PCCB: variants seen among roughly 807,000 people sequenced by gnomAD.
PCCB encodes propionyl-CoA carboxylase subunit beta.
Under a neutral mutation model 60.7 loss-of-function variants are expected in PCCB, and 43 were observed. The ratio of observed to expected loss-of-function variants is 0.71; its 90% CI spans 0.55 to 0.91. PCCB has a LOEUF of 0.91. PCCB is among the 40% of genes least tolerant of loss of function. The pLI is 0.00. For synonymous variants in PCCB, 276 were observed against 255.9 expected, an observed-to-expected ratio of 1.08 and a Z score of -0.75; for missense variants, 766 against 702.8, an observed-to-expected ratio of 1.09 and a Z score of -1.02.
chr3:136,313,725 T>C (rs551478536), intron 9 of PCCB, among the ~76,000 whole-genome samples: 1 of 152,316 alleles, frequency 6.6e-6, no homozygotes, highest in Non-Finnish European at 1.5e-5. Context: ...CTTTTGAACC[T>C]ATATTTTGAC....
Position 136,264,430 on chromosome 3 carries a change from A to ATG in PCCB, c.543+2375_543+2376dup, listed in dbSNP as rs144141514. On this transcript the variant is annotated intron_variant, in intron 5 of 14. Coordinates refer to ENST00000251654, the MANE Select transcript of PCCB (RefSeq NM_000532.5). ...CTTTCTGTCTCTGTCTCTCATATAT[A>ATG]TGTGTGTGTGTATATATGTATATAT... 1.4e-3 allele frequency among the ~76,000 whole-genome samples: 185 copies of ATG among 129,244 alleles called. 6 individuals carry two copies. The highest frequency in any genetic ancestry group is 3.8e-3 in the African/African-American group (116 of 30,434). 84.8% of individuals were successfully genotyped at this position (129,244 alleles called of 152,430 possible).
At chr3:136,277,832 C>G (rs557351294) in intron 5 of PCCB, among the ~76,000 whole-genome samples, 12 of 152,296 alleles carry the variant, frequency 7.9e-5, no homozygotes, top group African/African-American at 2.6e-4. Flanking sequence ...TGCCCCAGGC[C>G]ATAAGCTTTC....
intron 5 of PCCB, among the ~76,000 whole-genome samples, chr3:136,270,209 A>G (rs187218038): frequency 3.9e-5 from 6 of 152,274 alleles, no homozygotes; most frequent in Admixed American, 1.3e-4. Flanking sequence ...TATTTCTGTG[A>G]TAAATCCTAC....
At chr3:136,280,744 T>C (rs1051049815) in intron 5 of PCCB, among the ~76,000 whole-genome samples, 1 of 152,192 alleles carries the variant, frequency 6.6e-6, no homozygotes, top group Non-Finnish European at 1.5e-5. Flanking sequence ...CATTGCAGCA[T>C]TGACCTTATA....
chr3:136,268,096 A>ATATGTATATATATATATATATATATG (rs201311495), intron 5 of PCCB, among the ~76,000 whole-genome samples: 1 of 106,554 alleles, frequency 9.4e-6, no homozygotes, highest in Non-Finnish European at 1.8e-5. Flanking sequence ...AGATATATAT[A>ATATGTATATATATATATATATATATG]TATATATATA....
At chr3:136,303,459 C>G (rs1028837070) in intron 9 of PCCB, among the ~76,000 whole-genome samples, 3 of 121,852 alleles carry the variant, frequency 2.5e-5, no homozygotes, top group African/African-American at 7.5e-5. Context: ...ACTAAACTTC[C>G]TTCATTCCTG....
chr3:136,271,551 T>G (rs930863455), intron 5 of PCCB, among the ~76,000 whole-genome samples: 10 of 152,220 alleles, frequency 6.6e-5, no homozygotes, highest in African/African-American at 2.4e-4. Context: ...TTTTGTAGTT[T>G]CACTTGTAGA....
chr3:136,313,687 C>T (rs1333703366), intron 9 of PCCB, among the ~76,000 whole-genome samples: 1 of 152,064 alleles, frequency 6.6e-6, no homozygotes, highest in African/African-American at 2.4e-5. Context: ...AAATGAAATA[C>T]AAACATGAAC....
chr3:136,317,928 C>T (rs1333875810), intron 10 of PCCB, among the ~76,000 whole-genome samples: 1 of 152,216 alleles, frequency 6.6e-6, no homozygotes, highest in East Asian at 1.9e-4. Context: ...AATACCACTT[C>T]TCTCCTCAAT....
chr3:136,292,746 T>C (rs1192300431), intron 6 of PCCB, among the ~76,000 whole-genome samples: 1 of 152,074 alleles, frequency 6.6e-6, no homozygotes, highest in Non-Finnish European at 1.5e-5. Flanking sequence ...ATAATGTTTG[T>C]GTTAGAAGAT....
intron 2 of PCCB, chr3:136,256,231 C>T: frequency 1.7e-6 from 1 of 571,528 alleles, no homozygotes; most frequent in Non-Finnish European, 3.1e-6. Context: ...GCGTGAGCGA[C>T]CGTACCCTGC....
At chr3:136,253,097 T>TTG (rs1339514965) in intron 1 of PCCB, among the ~76,000 whole-genome samples, 4 of 142,180 alleles carry the variant, frequency 2.8e-5, no homozygotes, top group African/African-American at 5.2e-5. Flanking sequence ...TTTTTTTTTT[T>TTG]TTTTTTTTTT....
chr3:136,254,518 C>CTTTTTTT lies in PCCB; in HGVS notation c.184-1314_184-1308dup, dbSNP rs3994953. Among the ~76,000 whole-genome samples the CTTTTTTT allele has an allele frequency of 5.6e-3, 258 of 45,928 alleles. 33 individuals carry two copies. Among genetic ancestry groups the CTTTTTTT allele is most frequent in the East Asian group, 0.016 (15 of 916 alleles). The allele number at this position is 45,928 out of a possible 152,430, so 30.1% of individuals were successfully genotyped here. On this transcript the variant is annotated intron_variant, in intron 1 of 14. Coordinates refer to ENST00000251654, the MANE Select transcript of PCCB (RefSeq NM_000532.5). The stretch of plus-strand genomic sequence containing the variant: ...TACAGGTGTGAGCCACTGCGGCTAG[C>CTTTTTTT]TTTTTTTTTTTTTTTTTTTTTTTTT...
At chr3:136,311,739 C>A (rs1037580162) in intron 9 of PCCB, among the ~76,000 whole-genome samples, 1 of 152,106 alleles carries the variant, frequency 6.6e-6, no homozygotes, top group Non-Finnish European at 1.5e-5. Flanking sequence ...GAGGGAAGAT[C>A]CTTTGAGCCC....
At chr3:136,265,328 C>A (rs1335242569) in intron 5 of PCCB, among the ~76,000 whole-genome samples, 54 of 152,216 alleles carry the variant, frequency 3.5e-4, no homozygotes, top group Non-Finnish European at 1.2e-4. Context: ...CTGCCACTCA[C>A]TCCAAAAATA....
chr3:136,294,158 T>C (rs1299037695), intron 7 of PCCB, among the ~76,000 whole-genome samples: 3 of 151,980 alleles, frequency 2.0e-5, no homozygotes, highest in Non-Finnish European at 2.9e-5. Context: ...ATGATTTATG[T>C]ATGTACAGTT....
At chr3:136,254,847 T>TGA (rs1482134959) in intron 1 of PCCB, among the ~76,000 whole-genome samples, 1 of 150,714 alleles carries the variant, frequency 6.6e-6, no homozygotes, top group Non-Finnish European at 1.5e-5. Flanking sequence ...CCTGGTAGAT[T>TGA]GAGAGCTCTG....
At chr3:136,299,243 TGTATAC>T (rs1469848731) in intron 8 of PCCB, among the ~76,000 whole-genome samples, 7 of 152,092 alleles carry the variant, frequency 4.6e-5, no homozygotes, top group African/African-American at 1.7e-4. Context: ...TGCGTATATA[TGTATAC>T]GTGTATGTGT....
Position 136,295,570 on chromosome 3 carries a change from G to A in PCCB, c.763+1706G>A, listed in dbSNP as rs377134342. ...TGGCAGCAGCCTGTTTTTCTTGCTG[G>A]TATATAATATAAAGCTGGGTCTTGA... On this transcript the variant is annotated intron_variant, in intron 7 of 14. Transcript: ENST00000251654. Among the ~76,000 whole-genome samples the A allele has an allele frequency of 3.3e-4, 50 of 152,286 alleles. No individual in the cohort carries two copies. In the East Asian group the frequency reaches 9.4e-3, roughly 29 times the overall value.
Sources: gnomAD v4.1 joint callset for allele counts (sites outside exome capture counted in the v4.1 genomes callset) on GRCh38, gnomAD v4.1.1 for gene constraint, MANE v1.5 for transcripts, NCBI Gene and HGNC (gene_info 2026-07-23, HGNC 2026-07-21) for gene names.